The following DSCAM variants were observed in gnomAD, a reference collection of about 807,000 sequenced individuals.
The protein encoded by DSCAM is DS cell adhesion molecule.
In DSCAM, 47 loss-of-function variants were observed where a neutral mutation model predicts 217.7. The ratio of observed to expected loss-of-function variants is 0.22; its 90% CI spans 0.17 to 0.28. The LOEUF is 0.28. Ranked by LOEUF, DSCAM falls within the 10% of genes least tolerant of loss-of-function variation. The pLI is 1.00. For synonymous variants in DSCAM, 1,056 were observed against 1,015.3 expected (o/e 1.04, Z -0.76); for missense variants, 2,080 against 2,618.3 (o/e 0.79, Z 4.49).
chr21:40,708,794 T>C, intron 1 of DSCAM, 23 bp from the exon 2 acceptor site: 10 of 1,451,846 alleles, frequency 6.9e-6, no homozygotes, highest in Non-Finnish European at 9.2e-6. Flanking sequence ...AACACAGGGA[T>C]CCATAGGTGA....
At chr21:40,762,950 A>G (rs1419468137) in intron 1 of DSCAM, among the ~76,000 whole-genome samples, 1 of 152,218 alleles carries the variant, frequency 6.6e-6, no homozygotes, top group Non-Finnish European at 1.5e-5. Context: ...TCTCAAAATA[A>G]TAAGAGCTGT....
At chr21:40,128,873 A>C (rs1276482296) in intron 19 of DSCAM, among the ~76,000 whole-genome samples, 1 of 152,140 alleles carries the variant, frequency 6.6e-6, no homozygotes. Context: ...AGACATTTGT[A>C]TTGTTTTAAC....
chr21:40,695,825 T>A (rs2090588634), intron 2 of DSCAM, among the ~76,000 whole-genome samples: 1 of 152,194 alleles, frequency 6.6e-6, no homozygotes, highest in Admixed American at 6.5e-5. Context: ...ATCTATAGTT[T>A]TTTAAAAAAA....
chr21:40,140,704 A>C (rs993531934), intron 18 of DSCAM, among the ~76,000 whole-genome samples: 6 of 152,188 alleles, frequency 3.9e-5, no homozygotes, highest in African/African-American at 1.4e-4. Context: ...GGGGTGTTTT[A>C]AAACTTGTGT....
chr21:40,044,543 G>A (rs2088812498), intron 30 of DSCAM, among the ~76,000 whole-genome samples: 1 of 152,136 alleles, frequency 6.6e-6, no homozygotes, highest in African/African-American at 2.4e-5. Context: ...CTTGCTCTTG[G>A]CCTTTAATAA....
chr21:40,498,978 C>T (rs2076151281), intron 3 of DSCAM, among the ~76,000 whole-genome samples: 1 of 151,194 alleles, frequency 6.6e-6, no homozygotes, highest in Admixed American at 6.6e-5. Flanking sequence ...CTCATTATAG[C>T]AATGTAATAC....
chr21:40,838,799 A>C (rs1464447027), intron 1 of DSCAM, among the ~76,000 whole-genome samples: 1 of 152,188 alleles, frequency 6.6e-6, no homozygotes, highest in Non-Finnish European at 1.5e-5. Context: ...GTTCTTTATA[A>C]GACAAAAGGC....
chr21:40,048,477 T>TACTG (rs1041029442), intron 30 of DSCAM, among the ~76,000 whole-genome samples: 45 of 152,322 alleles, frequency 3.0e-4, no homozygotes, highest in African/African-American at 1.1e-3. Context: ...GTGTTTTCAC[T>TACTG]ACTGACAGAG....
intron 3 of DSCAM, among the ~76,000 whole-genome samples, chr21:40,658,949 A>T (rs1324789319): frequency 6.6e-6 from 1 of 152,152 alleles, no homozygotes; most frequent in Non-Finnish European, 1.5e-5. Flanking sequence ...TGCACACCTC[A>T]TCTGTTCTGA....
intron 15 of DSCAM, among the ~76,000 whole-genome samples, chr21:40,167,974 T>C (rs1164893651): frequency 6.6e-6 from 1 of 152,116 alleles, no homozygotes; most frequent in Non-Finnish European, 1.5e-5. Context: ...TGAGGTAGAA[T>C]TGCTTGAATC....
At chr21:40,179,248 G>C (rs3804022) in intron 14 of DSCAM, among the ~76,000 whole-genome samples, 154 bp from the exon 15 acceptor site, 73,452 of 145,352 alleles carry the variant, frequency 0.51, 21,040 homozygotes, top group African/African-American at 0.81. Flanking sequence ...AGTGATTTCT[G>C]AATGCAATGT....
intron 21 of DSCAM, among the ~76,000 whole-genome samples, chr21:40,093,136 C>A (rs1221010486): frequency 1.3e-5 from 2 of 152,056 alleles, no homozygotes; most frequent in Admixed American, 1.3e-4. Context: ...ACTGGATGGC[C>A]GTGATTACCA....
At chr21:40,485,194 A>C (rs548336463) in intron 3 of DSCAM, among the ~76,000 whole-genome samples, 128 of 150,664 alleles carry the variant, frequency 8.5e-4, no homozygotes, top group African/African-American at 3.0e-3. Flanking sequence ...AATAAAACAC[A>C]GTCAGCCACT....
At chr21:40,416,656 T>C (rs955062210) in intron 3 of DSCAM, among the ~76,000 whole-genome samples, 2 of 152,108 alleles carry the variant, frequency 1.3e-5, no homozygotes, top group Admixed American at 6.5e-5. Flanking sequence ...TTGTAGGGAT[T>C]GATATAAACT....
At chr21:40,359,433 A>T (rs768548137) in intron 4 of DSCAM, among the ~76,000 whole-genome samples, 17 of 152,218 alleles carry the variant, frequency 1.1e-4, no homozygotes, top group African/African-American at 1.4e-4. Context: ...ATTTTCTTAA[A>T]GTGTTTAAAC....
At chr21:40,657,099 T>C (rs1568966925) in intron 3 of DSCAM, among the ~76,000 whole-genome samples, 1 of 152,264 alleles carries the variant, frequency 6.6e-6, no homozygotes, top group Non-Finnish European at 1.5e-5. Flanking sequence ...TTTTGCATGT[T>C]TGAAAGGATG....
intron 3 of DSCAM, among the ~76,000 whole-genome samples, chr21:40,691,421 T>A (rs2090536437): frequency 6.6e-6 from 1 of 152,226 alleles, no homozygotes; most frequent in African/African-American, 2.4e-5. Flanking sequence ...GAACCTATAC[T>A]CCCTTGCCAT....
chr21:40,306,327 T>G (rs1230453862), intron 9 of DSCAM, among the ~76,000 whole-genome samples: 1 of 150,888 alleles, frequency 6.6e-6, no homozygotes, highest in South Asian at 2.1e-4. Flanking sequence ...GCTTATCAGC[T>G]TAAGAAGATT....
intron 11 of DSCAM, among the ~76,000 whole-genome samples, chr21:40,206,416 C>G (rs1447477204): frequency 6.6e-6 from 1 of 152,056 alleles, no homozygotes; most frequent in Non-Finnish European, 1.5e-5. Flanking sequence ...GTGGAGCTGA[C>G]TCAGTGGGTC....
Sources: allele counts gnomAD v4.1 joint callset (sites outside exome capture counted in the v4.1 genomes callset), GRCh38; gene constraint gnomAD v4.1.1; transcripts MANE v1.5; gene names NCBI Gene and HGNC (gene_info 2026-07-23, HGNC 2026-07-21).